Variants in OSBPL9 observed in about 807,000 individuals in gnomAD.
OSBPL9 encodes oxysterol binding protein like 9, also known as oxysterol-binding protein-related protein 9.
A neutral mutation model predicts 106.6 loss-of-function variants in OSBPL9; 40 were observed. The observed-to-expected ratio is 0.38, with a 90% CI of 0.29 to 0.49. The LOEUF (loss-of-function observed/expected upper bound fraction) is 0.49. Among genes scored for constraint, OSBPL9 ranks in the 20% least tolerant of loss-of-function variants. The pLI is 0.97. For missense variants in OSBPL9, 609 were observed against 887.2 expected (o/e 0.69, Z 3.98); for synonymous variants, 269 against 295.4 (o/e 0.91, Z 0.92).
At chr1:51,758,365 A>G (rs1261652712) in intron 9 of OSBPL9, among the ~76,000 whole-genome samples, 3 of 151,704 alleles carry the variant, frequency 2.0e-5, no homozygotes, top group Non-Finnish European at 4.4e-5. Flanking sequence ...TTTAAGGGTT[A>G]AAACAGTGAG....
chr1:51,529,199 A>G, the OSBPL9 span, among the ~76,000 whole-genome samples: 151 of 152,272 alleles, frequency 9.9e-4, no homozygotes, highest in African/African-American at 3.6e-3. Context: ...TAGCCAAATA[A>G]TCTTAACAAT....
At chr1:51,669,670 A>T in intron 3 of OSBPL9, 158 bp downstream of exon 3, 61 of 571,810 alleles carry the variant, frequency 1.1e-4, no homozygotes, top group Middle Eastern at 2.8e-4. Context: ...CAGGTTAGGC[A>T]GGGATTTGTA....
In OSBPL9 at chr1:51,693,022, A is replaced by C. The variant is rs193119465; in HGVS notation, c.242-20981A>C. ...GCATCTGAAAAGGTGACAAATTATC[A>C]CTTGTCCTATAATTATGACTACCAA... On this transcript the variant is annotated intron_variant, in intron 3 of 23. Coordinates refer to ENST00000428468, the MANE Select transcript of OSBPL9 (RefSeq NM_024586.6). 4.6e-5 allele frequency among the ~76,000 whole-genome samples: 7 copies of C among 152,244 alleles called. No individual in the cohort carries two copies. The East Asian group carries it at 1.2e-3, about 25-fold the overall frequency.
chr1:51,604,074 A>G lies in OSBPL9; in HGVS notation c.-353+5881A>G, dbSNP rs140552022. Among the ~76,000 whole-genome samples, 18 of 152,330 alleles carry G rather than the reference A, an allele frequency of 1.2e-4. No individual in the cohort carries two copies. The East Asian group carries it at 3.5e-3, about 29-fold the overall frequency. On this transcript the variant is annotated intron_variant, in intron 2 of 25. Coordinates refer to the OSBPL9 transcript ENST00000371714. ...AGCTTGCTCTGTGCACAGGCCAAGC[A>G]TGTTCCCTGGTCAGAAAGAAAGAAA...
upstream of OSBPL9, among the ~76,000 whole-genome samples, chr1:51,612,381 T>C (rs1300719473): frequency 1.3e-5 from 2 of 152,072 alleles, no homozygotes; most frequent in African/African-American, 4.8e-5. Flanking sequence ...CCTTGACGAG[T>C]TTTTGATGTT....
At chr1:51,591,924 G>C (rs889012251) in intron 1 of OSBPL9, among the ~76,000 whole-genome samples, 1 of 151,922 alleles carries the variant, frequency 6.6e-6, no homozygotes, top group African/African-American at 2.4e-5. Flanking sequence ...TGGACTTCTC[G>C]GTCCTCTAAG....
rs564328662 is a variant in OSBPL9, at chr1:51,784,271, C to T, written c.1632C>T (p.Val544=). 1 of 1,613,842 alleles carries T rather than the reference C, an allele frequency of 6.2e-7. No homozygotes were observed. Among genetic ancestry groups the T allele is most frequent in the South Asian group, 1.1e-5 (1 of 91,072 alleles). Residue 544 remains valine (V), a synonymous_variant, in exon 19 of 24, where the codon GTC becomes GTT. Coordinates refer to ENST00000428468, the MANE Select transcript of OSBPL9 (RefSeq NM_024586.6). ...IGVHNIGQGC[V]SCLDYDEHYI... is the part of the protein sequence containing the mutation. ...TGTCCCTTCTCTCCACAGGCTGTGT[C>T]TCATGTCTAGACTATGATGAACATT...
intron 6 of OSBPL9, among the ~76,000 whole-genome samples, chr1:51,747,158 G>A (rs947246958): frequency 4.6e-5 from 7 of 152,094 alleles, no homozygotes; most frequent in Non-Finnish European, 2.9e-5. Context: ...GTAGAGACAG[G>A]GTTTCACCAT....
At chr1:51,593,337 T>G (rs540419881) in intron 1 of OSBPL9, among the ~76,000 whole-genome samples, 1 of 152,342 alleles carries the variant, frequency 6.6e-6, no homozygotes, top group South Asian at 2.1e-4. Context: ...TGAAGCACTC[T>G]TTCTAATACC....
chr1:51,642,268 T>A (rs1271943871), intron 1 of OSBPL9, among the ~76,000 whole-genome samples: 1 of 152,202 alleles, frequency 6.6e-6, no homozygotes, highest in East Asian at 1.9e-4. Context: ...ATTTTTTGAG[T>A]TTCCTCTGTG....
rs767591932 is a variant in OSBPL9, at chr1:51,785,828, C to A, written c.1850C>A (p.Ser617Tyr). 6.2e-7 allele frequency: 1 copy of A among 1,608,880 alleles called. No individual in the cohort carries two copies. The highest frequency in any genetic ancestry group is 8.5e-7 in the Non-Finnish European group (1 of 1,178,770). The stretch of plus-strand genomic sequence containing the variant: ...TTCAGTTCTCCAAATGACAAGAAGT[C>A]TTTTTGCTCAATTGAAGGGGAATGG... Reference protein sequence around the residue: ...AEIFSPNDKKSFCSIEGEWNG... With the variant: ...AEIFSPNDKKYFCSIEGEWNG... The change falls in exon 21 of 24, where the codon TCT (serine) becomes TAT (tyrosine). Residue 617 changes from serine to tyrosine, a missense_variant. Physicochemically the swap from Ser to Tyr is moderately radical, Grantham distance 144. Around this residue, in one of 5 missense-constraint regions of OSBPL9, gnomAD observed 132 missense variants for 158.1 expected, o/e 0.83. Coordinates refer to ENST00000428468, the MANE Select transcript of OSBPL9 (RefSeq NM_024586.6).
At chr1:51,784,378 G>A in intron 19 of OSBPL9, 51 bp downstream of exon 19, 1 of 1,611,010 alleles carries the variant, frequency 6.2e-7, no homozygotes, top group Non-Finnish European at 8.5e-7. Flanking sequence ...TGTTCCTTGA[G>A]ACATGCCCCT....
intron 8 of OSBPL9, among the ~76,000 whole-genome samples, chr1:51,753,055 G>A (rs1669601001): frequency 6.6e-6 from 1 of 152,126 alleles, no homozygotes; most frequent in African/African-American, 2.4e-5. Flanking sequence ...TGGTTGCATG[G>A]TTTAGTATTT....
chr1:51,667,556 T>C (rs1172749528), intron 2 of OSBPL9, among the ~76,000 whole-genome samples: 1 of 152,230 alleles, frequency 6.6e-6, no homozygotes, highest in Non-Finnish European at 1.5e-5. Flanking sequence ...TGTATTATAG[T>C]CACCTCTTTG....
intron 17 of OSBPL9, among the ~76,000 whole-genome samples, chr1:51,783,164 T>A (rs1280235695): frequency 6.6e-6 from 1 of 152,068 alleles, no homozygotes; most frequent in African/African-American, 2.4e-5. Flanking sequence ...TTTATTTGTA[T>A]TATTTTTATT....
intron 11 of OSBPL9, chr1:51,765,432 G>A (rs1672356286): frequency 6.5e-6 from 1 of 154,582 alleles, no homozygotes. Context: ...ATTCCCAGTG[G>A]CTCACTGCTG....
chr1:51,581,025 A>G (rs1399854381), intron 1 of OSBPL9, among the ~76,000 whole-genome samples: 2 of 140,506 alleles, frequency 1.4e-5, no homozygotes, highest in African/African-American at 5.2e-5. Context: ...ACTCACTGCA[A>G]CCTTGTCTGT....
In OSBPL9 at chr1:51,786,515, T is replaced by C; in HGVS notation, c.1909-11T>C. On this transcript the variant is annotated splice_polypyrimidine_tract_variant and intron_variant, in intron 21 of 23. Coordinates refer to ENST00000428468, the MANE Select transcript of OSBPL9 (RefSeq NM_024586.6). ...TGGGTCTAGTTCCCATCCACCTCTA[T>C]TGTTTTCTAGGAAAATACAGTCTTT... The C allele has an allele frequency of 6.4e-7, 1 of 1,568,682 alleles. No homozygotes were observed. The highest frequency in any genetic ancestry group is 8.8e-7 in the Non-Finnish European group (1 of 1,139,622).
At chr1:51,662,741 A>AT (rs758385465) in intron 2 of OSBPL9, among the ~76,000 whole-genome samples, 4,583 of 143,242 alleles carry the variant, frequency 0.032, 212 homozygotes, top group East Asian at 0.099. Context: ...AAAATCAACG[A>AT]ATTTTTTTTT....
Sources: gnomAD v4.1 joint callset for allele counts (sites outside exome capture counted in the v4.1 genomes callset) on GRCh38, gnomAD v4.1.1 for gene constraint, gnomAD v4.1.1 regional missense constraint, MANE v1.5 for transcripts, NCBI Gene and HGNC (gene_info 2026-07-23, HGNC 2026-07-21) for gene names.